Variants in GLDC observed in about 807,000 individuals in gnomAD.
GLDC encodes glycine decarboxylase, also known as glycine dehydrogenase (decarboxylating), mitochondrial.
Under a neutral mutation model 121.3 loss-of-function variants are expected in GLDC, and 104 were observed. The observed-to-expected ratio is 0.86, with a 90% CI of 0.73 to 1.01. The LOEUF is 1.01. GLDC is among the 50% of genes least tolerant of loss of function. The pLI, the probability that GLDC is intolerant of heterozygous loss-of-function variation, is 0.00. For synonymous variants in GLDC, 546 were observed against 480.6 expected, an observed-to-expected ratio of 1.14 and a Z score of -1.78; for missense variants, 1,429 against 1,306.6, an observed-to-expected ratio of 1.09 and a Z score of -1.44.
At chr9:6,639,607 T>C (rs1587986360) in intron 2 of GLDC, 2 of 713,010 alleles carry the variant, frequency 2.8e-6, no homozygotes, top group Non-Finnish European at 5.1e-6. Context: ...ATTGGGATCA[T>C]CTAAACTGAG....
At chr9:6,639,029 T>A in intron 2 of GLDC, 2 of 526,614 alleles carry the variant, frequency 3.8e-6, no homozygotes, top group East Asian at 6.9e-5. Context: ...AAAAAGTATA[T>A]CCTCAGAGTG....
chr9:6,534,448 A>C (rs576089107), intron 24 of GLDC, among the ~76,000 whole-genome samples: 60 of 151,008 alleles, frequency 4.0e-4, no homozygotes, highest in Non-Finnish European at 6.5e-4. Flanking sequence ...AGTGGAGGGA[A>C]ACACATTGGT....
chr9:6,537,321 T>C (rs968376624), intron 22 of GLDC, among the ~76,000 whole-genome samples: 10 of 152,184 alleles, frequency 6.6e-5, no homozygotes, highest in Admixed American at 3.9e-4. Flanking sequence ...ACCAGGCCTA[T>C]GAAACTTTTA....
chr9:6,639,774 C>CTTACTTA (rs1420423437), intron 2 of GLDC, among the ~76,000 whole-genome samples: 1 of 151,298 alleles, frequency 6.6e-6, no homozygotes, highest in Non-Finnish European at 1.5e-5. Flanking sequence ...TTCACCCACA[C>CTTACTTA]CTGTCCAGGA....
intron 15 of GLDC, 49 bp from the exon 16 acceptor site, chr9:6,565,478 A>C: frequency 1.4e-6 from 2 of 1,390,440 alleles, no homozygotes; most frequent in Non-Finnish European, 2.1e-6. Context: ...TCTGGCTTTC[A>C]TTTACTCATT....
intron 16 of GLDC, among the ~76,000 whole-genome samples, chr9:6,559,109 C>T (rs1587927178): frequency 6.6e-6 from 1 of 152,142 alleles, no homozygotes; most frequent in African/African-American, 2.4e-5. Flanking sequence ...TAATGACAGA[C>T]GTTAATTCCA....
At chr9:6,637,139 C>A (rs1484200937) in intron 2 of GLDC, among the ~76,000 whole-genome samples, 1 of 150,868 alleles carries the variant, frequency 6.6e-6, no homozygotes, top group African/African-American at 2.4e-5. Context: ...GTAATGCCAG[C>A]ACTTTGGAAA....
chr9:6,618,635 C>G (rs1448838783), intron 3 of GLDC, among the ~76,000 whole-genome samples: 1 of 152,084 alleles, frequency 6.6e-6, no homozygotes, highest in Non-Finnish European at 1.5e-5. Flanking sequence ...ATACAGCAAA[C>G]AGCAATGGAA....
chr9:6,587,880 G>A (rs900696048), intron 14 of GLDC, among the ~76,000 whole-genome samples: 1 of 151,950 alleles, frequency 6.6e-6, no homozygotes, highest in Non-Finnish European at 1.5e-5. Context: ...TGTCACTTCA[G>A]AATAAACGTA....
chr9:6,545,254 T>G (rs980096037), intron 21 of GLDC, among the ~76,000 whole-genome samples: 1 of 152,238 alleles, frequency 6.6e-6, no homozygotes, highest in Non-Finnish European at 1.5e-5. Context: ...CAGCATGGTG[T>G]ACTTACATAA....
In GLDC at chr9:6,555,285, C is replaced by T. The variant is rs988798434; in HGVS notation, c.2203-504G>A. On this transcript the variant is annotated intron_variant, in intron 18 of 24. Coordinates refer to ENST00000321612, the MANE Select transcript of GLDC (RefSeq NM_000170.3). The stretch of plus-strand genomic sequence containing the variant: ...GAACTGAGAGAGGGAAGGCAAGGCT[C>T]GCAGTCTTCCCGAGATGACCCAGAT... Among the ~76,000 whole-genome samples the T allele has an allele frequency of 5.9e-5, 9 of 152,178 alleles. 1 individual carries two copies. The highest frequency in any genetic ancestry group is 3.3e-4 in the Admixed American group (5 of 15,278).
At chr9:6,569,175 TA>T (rs1048364943) in intron 15 of GLDC, 43 of 144,852 alleles carry the variant, frequency 3.0e-4, no homozygotes, top group South Asian at 6.6e-4. Context: ...AATGTAAACT[TA>T]AAAAAAAAAA....
chr9:6,606,663 G>A lies in GLDC; in HGVS notation c.642C>T (p.Asn214=), dbSNP rs775546889. The change falls in exon 5 of 25, where the codon AAC becomes AAT. Residue 214 remains asparagine (N), a synonymous_variant. Transcript: ENST00000321612. ...GATCAACGAGAAATTTCCTCCTCTT[G>A]TTGTGTCTGTTGAAAAGAAAAAGCA... ...AEALQLCYRH[N]KRRKFLVDPR... 2.7e-5 allele frequency: 43 copies of A among 1,592,108 alleles called. No homozygotes were observed. In the African/African-American group the frequency reaches 3.6e-4, roughly 13 times the overall value.
chr9:6,631,177 C>T (rs1229882738), intron 2 of GLDC, among the ~76,000 whole-genome samples: 1 of 152,214 alleles, frequency 6.6e-6, no homozygotes, highest in Non-Finnish European at 1.5e-5. Flanking sequence ...TCTTCCCTGT[C>T]TTCTTGCTCA....
chr9:6,562,519 C>T (rs964639632), intron 16 of GLDC, among the ~76,000 whole-genome samples: 4 of 152,174 alleles, frequency 2.6e-5, no homozygotes, highest in African/African-American at 9.7e-5. Context: ...TTAGTGAATA[C>T]TAAATCATTT....
At chr9:6,569,575 C>T (rs1241417040) in intron 15 of GLDC, among the ~76,000 whole-genome samples, 2 of 151,954 alleles carry the variant, frequency 1.3e-5, no homozygotes, top group African/African-American at 4.8e-5. Context: ...TTGCTTGAAC[C>T]CGGGAGGCGG....
intron 2 of GLDC, among the ~76,000 whole-genome samples, chr9:6,631,118 G>A (rs537178195): frequency 2.0e-5 from 3 of 152,222 alleles, no homozygotes; most frequent in Non-Finnish European, 4.4e-5. Flanking sequence ...GCAGCGGCAC[G>A]CAGGCCCAAC....
intron 8 of GLDC, among the ~76,000 whole-genome samples, chr9:6,597,890 C>G (rs1275194418): frequency 6.6e-6 from 1 of 151,798 alleles, no homozygotes; most frequent in Admixed American, 6.6e-5. Flanking sequence ...AGCGAGATGG[C>G]GCTACTGCAC....
intron 15 of GLDC, among the ~76,000 whole-genome samples, chr9:6,582,779 A>G (rs940910836): frequency 2.0e-5 from 3 of 151,620 alleles, no homozygotes; most frequent in East Asian, 3.9e-4. Context: ...CAGTGAGCCG[A>G]TATCGCGCCA....
Sources: allele counts gnomAD v4.1 joint callset (sites outside exome capture counted in the v4.1 genomes callset), GRCh38; gene constraint gnomAD v4.1.1; transcripts MANE v1.5; gene names NCBI Gene and HGNC (gene_info 2026-07-23, HGNC 2026-07-21).